Variants in COL23A1 observed in about 807,000 individuals in gnomAD.
The protein encoded by COL23A1 is collagen alpha-1(XXIII) chain.
COL23A1 carries 97 observed loss-of-function variants against 99.3 expected under a neutral mutation model. That is an observed-to-expected ratio of 0.98 (90% CI 0.83 to 1.16). The LOEUF (loss-of-function observed/expected upper bound fraction) is 1.16, where lower values mean the gene tolerates loss of function less well. Ranked by LOEUF, COL23A1 falls within the 50% of genes most tolerant of loss-of-function variation. The pLI is 0.00. For synonymous variants in COL23A1, 320 were observed against 308.2 expected, an observed-to-expected ratio of 1.04 and a Z score of -0.40; for missense variants, 762 against 757.4, an observed-to-expected ratio of 1.01 and a Z score of -0.07.
intron 2 of COL23A1, among the ~76,000 whole-genome samples, chr5:178,535,099 A>G (rs1192055226): frequency 6.8e-6 from 1 of 147,962 alleles, no homozygotes; most frequent in Non-Finnish European, 1.5e-5. Context: ...GCCTCCCCCC[A>G]GTAGCTGGGA....
intron 2 of COL23A1, among the ~76,000 whole-genome samples, chr5:178,369,107 C>T (rs1274699945): frequency 2.6e-5 from 4 of 152,160 alleles, no homozygotes; most frequent in African/African-American, 7.2e-5. Flanking sequence ...GGTGGGAGGC[C>T]GAAGCTATTC....
chr5:178,472,134 C>A (rs1756788166), intron 2 of COL23A1, among the ~76,000 whole-genome samples: 1 of 152,124 alleles, frequency 6.6e-6, no homozygotes, highest in African/African-American at 2.4e-5. Context: ...CAGCGTGAGA[C>A]CCTGTCTTAA....
rs539814602 is a variant in COL23A1, at chr5:178,247,525, C to T, written c.1296+1G>A. The T allele has an allele frequency of 2.5e-6, 4 of 1,614,108 alleles. No individual in the cohort carries two copies. The highest frequency in any genetic ancestry group is 3.4e-6 in the Non-Finnish European group (4 of 1,179,974). ...CAGTAGAGGGGTCTGTGCCCACTCA[C>T]CTTGGGACCCTGGATTCCCTGGAGG... On this transcript the variant is annotated splice_donor_variant, in intron 22 of 28. Transcript: ENST00000390654. LOFTEE classifies it high-confidence loss of function.
Position 178,249,087 on chromosome 5 carries a change from C to T in COL23A1, c.1149+30G>A, listed in dbSNP as rs759424489. ...CACCTCAGGGCTTCCACACAGGAGG[C>T]GTAATGTGTGGCCCAACCCAGCCAC... On this transcript the variant is annotated intron_variant, in intron 19 of 28. Transcript: ENST00000390654. 46 of 1,607,468 alleles carry T rather than the reference C, an allele frequency of 2.9e-5. No individual in the cohort carries two copies. In the East Asian group the frequency reaches 3.1e-4, roughly 11 times the overall value.
chr5:178,303,055 C>G (rs1382087581), intron 3 of COL23A1, among the ~76,000 whole-genome samples: 1 of 152,236 alleles, frequency 6.6e-6, no homozygotes, highest in Non-Finnish European at 1.5e-5. Context: ...GGCTGGAGTG[C>G]AGTGGTGCAG....
chr5:178,502,424 C>T (rs548812345), intron 2 of COL23A1, among the ~76,000 whole-genome samples: 59 of 152,330 alleles, frequency 3.9e-4, no homozygotes, highest in Non-Finnish European at 7.3e-4. Context: ...AGCCACTGCG[C>T]CCAGCCAACA....
intron 17 of COL23A1, among the ~76,000 whole-genome samples, chr5:178,251,631 G>A (rs1765034843): frequency 6.6e-6 from 1 of 152,186 alleles, no homozygotes; most frequent in Non-Finnish European, 1.5e-5. Flanking sequence ...TGTCACATGG[G>A]ATTGCACGAT....
intron 2 of COL23A1, among the ~76,000 whole-genome samples, chr5:178,493,358 T>G (rs1377149451): frequency 6.6e-6 from 1 of 152,238 alleles, no homozygotes; most frequent in Non-Finnish European, 1.5e-5. Flanking sequence ...AAAGGACTCA[T>G]GCTTTGTAGT....
rs1166759906 is a variant in COL23A1 at position 178,468,944 on chromosome 5, C to CT, written c.361+91737dup. Among the ~76,000 whole-genome samples the CT allele has an allele frequency of 5.3e-5, 8 of 152,284 alleles. No homozygotes were observed. The South Asian group carries it at 8.3e-4, about 16-fold the overall frequency. On this transcript the variant is annotated intron_variant, in intron 2 of 28. Transcript: ENST00000390654. The surrounding 1 kb of genome is among the most constrained non-coding windows in gnomAD (Gnocchi z 4.2). The stretch of plus-strand genomic sequence containing the variant: ...CCCCCAGCCTGTGGCACCCACCATC[C>CT]TGGTTTCCGTCTCTATGAATTTGAT...
At chr5:178,349,546 C>A (rs1366922146) in intron 2 of COL23A1, among the ~76,000 whole-genome samples, 1 of 151,664 alleles carries the variant, frequency 6.6e-6, no homozygotes, top group Admixed American at 6.6e-5. Flanking sequence ...GGCCACCCCC[C>A]ACGCCCCACG....
intron 28 of COL23A1, 69 bp downstream of exon 28, chr5:178,239,072 G>A: frequency 1.9e-6 from 3 of 1,553,558 alleles, no homozygotes; most frequent in Non-Finnish European, 2.7e-6. Context: ...CCAGGCTCTG[G>A]GGCCCTCCCA....
At chr5:178,455,316 G>C (rs1314662745) in intron 2 of COL23A1, among the ~76,000 whole-genome samples, 1 of 152,132 alleles carries the variant, frequency 6.6e-6, no homozygotes, top group Non-Finnish European at 1.5e-5. Context: ...AGGAGTCCTG[G>C]TGCAGAGTGA....
chr5:178,428,235 C>A lies in COL23A1; in HGVS notation c.362-121316G>T, dbSNP rs1020478931. On this transcript the variant is annotated intron_variant, in intron 2 of 28. Coordinates refer to ENST00000390654, the MANE Select transcript of COL23A1 (RefSeq NM_173465.4). This position sits in a 1 kb window ranked among gnomAD's most constrained non-coding sequence, Gnocchi z 5.0. ...ACCAAGCCTTCTGCTGTGGGCTCCC[C>A]GAGGCATTTCCTGGGAGAAGGGTCT... Among the ~76,000 whole-genome samples, 1 of 152,228 alleles carries A rather than the reference C, an allele frequency of 6.6e-6. No homozygotes were observed. Among genetic ancestry groups the A allele is most frequent in the Non-Finnish European group, 1.5e-5 (1 of 68,026 alleles).
chr5:178,491,418 T>G (rs1757929005), intron 2 of COL23A1, among the ~76,000 whole-genome samples: 1 of 152,098 alleles, frequency 6.6e-6, no homozygotes, highest in Non-Finnish European at 1.5e-5. Flanking sequence ...TTGGTGGCAG[T>G]CAGCAGCACA....
At chr5:178,474,516 T>A (rs2127940717) in intron 2 of COL23A1, among the ~76,000 whole-genome samples, 1 of 69,078 alleles carries the variant, frequency 1.4e-5, no homozygotes, top group East Asian at 5.6e-4. Flanking sequence ...TCTCTCCTTG[T>A]GAGATGTCAA....
chr5:178,284,216 A>C (rs1337966088), intron 5 of COL23A1, among the ~76,000 whole-genome samples: 1 of 152,178 alleles, frequency 6.6e-6, no homozygotes, highest in South Asian at 2.1e-4. Context: ...GCTCTTAAAC[A>C]CGGGTGATTT....
intron 2 of COL23A1, among the ~76,000 whole-genome samples, chr5:178,543,843 A>G: frequency 6.6e-6 from 1 of 152,160 alleles, no homozygotes; most frequent in East Asian, 1.9e-4. Context: ...GCCTACAAAC[A>G]AGGACAATGT....
In COL23A1 at chr5:178,404,848, T is replaced by C. The variant is rs575140956; in HGVS notation, c.362-97929A>G. Among the ~76,000 whole-genome samples, 13 of 152,198 alleles carry C rather than the reference T, an allele frequency of 8.5e-5. 1 individual carries two copies. Among genetic ancestry groups the C allele is most frequent in the South Asian group, 6.2e-4 (3 of 4,826 alleles). On this transcript the variant is annotated intron_variant, in intron 2 of 28. Transcript: ENST00000390654. The stretch of plus-strand genomic sequence containing the variant: ...GCAACTCTCCCTTTCCCTGTCTCAC[T>C]CCCTCTCCCAGTCAGGAAGACAAAC...
chr5:178,256,324 G>A, intron 15 of COL23A1, 29 bp downstream of exon 15: 1 of 1,569,138 alleles, frequency 6.4e-7, no homozygotes. Context: ...TCTCATCCCT[G>A]AGGCCTCGCC....
Sources: allele counts gnomAD v4.1 joint callset (sites outside exome capture counted in the v4.1 genomes callset), GRCh38; gene constraint gnomAD v4.1.1; non-coding constraint Gnocchi (gnomAD v3.1); transcripts MANE v1.5; gene names NCBI Gene and HGNC (gene_info 2026-07-23, HGNC 2026-07-21).